CPQ: variants seen among roughly 807,000 people sequenced by gnomAD.
CPQ encodes Ser-Met dipeptidase.
In CPQ, 37 loss-of-function variants were observed where a neutral mutation model predicts 45.7. That is an observed-to-expected ratio of 0.81 (90% CI 0.62 to 1.07). The LOEUF is 1.07. Ranked by LOEUF, CPQ falls within the 50% of genes least tolerant of loss-of-function variation. The pLI is 0.00. For missense variants in CPQ, 537 were observed against 572.9 expected (o/e 0.94, Z 0.64); for synonymous variants, 186 against 205.8 (o/e 0.90, Z 0.82).
At chr8:96,922,902 C>T (rs1812827456) in intron 4 of CPQ, among the ~76,000 whole-genome samples, 1 of 150,998 alleles carries the variant, frequency 6.6e-6, no homozygotes, top group South Asian at 2.1e-4. Flanking sequence ...GTGCAGTGGG[C>T]TTACTGTGTC....
At chr8:96,766,144 G>T (rs1313584151) in intron 1 of CPQ, among the ~76,000 whole-genome samples, 1 of 152,138 alleles carries the variant, frequency 6.6e-6, no homozygotes, top group Non-Finnish European at 1.5e-5. Flanking sequence ...AACATTTACT[G>T]GTTGCTTTTG....
intron 4 of CPQ, among the ~76,000 whole-genome samples, chr8:96,957,538 C>CA (rs1339115061): frequency 2.0e-5 from 3 of 152,100 alleles, no homozygotes; most frequent in Non-Finnish European, 4.4e-5. Flanking sequence ...TACAGTGGCT[C>CA]ATGCCTTTAA....
intron 4 of CPQ, among the ~76,000 whole-genome samples, chr8:96,917,692 C>A (rs897531676): frequency 6.6e-6 from 1 of 152,056 alleles, no homozygotes; most frequent in Non-Finnish European, 1.5e-5. Context: ...TGTATACTAA[C>A]CCATCTGTAT....
At chr8:97,042,463 G>A (rs1340535852) in intron 6 of CPQ, among the ~76,000 whole-genome samples, 2 of 151,976 alleles carry the variant, frequency 1.3e-5, no homozygotes, top group East Asian at 3.9e-4. Flanking sequence ...TTTTTTGAAG[G>A]GTTTTTTGTG....
At chr8:96,647,006 G>T (rs111651295) in intron 1 of CPQ, among the ~76,000 whole-genome samples, 114 of 152,250 alleles carry the variant, frequency 7.5e-4, no homozygotes, top group African/African-American at 2.5e-3. Flanking sequence ...TTTTTCCAGT[G>T]CAACCCAGTC....
At chr8:96,658,466 C>G (rs1815662212) in intron 1 of CPQ, among the ~76,000 whole-genome samples, 1 of 152,196 alleles carries the variant, frequency 6.6e-6, no homozygotes, top group Non-Finnish European at 1.5e-5. Flanking sequence ...TTATAACTGT[C>G]TGCAGTGGGC....
At chr8:97,116,833 T>C (rs1408305868) in intron 7 of CPQ, among the ~76,000 whole-genome samples, 1 of 152,244 alleles carries the variant, frequency 6.6e-6, no homozygotes, top group African/African-American at 2.4e-5. Flanking sequence ...GAAAGGTAGA[T>C]AATAGGAGGC....
At chr8:97,040,712 T>C (rs1354402270) in intron 6 of CPQ, among the ~76,000 whole-genome samples, 1 of 151,908 alleles carries the variant, frequency 6.6e-6, no homozygotes, top group Non-Finnish European at 1.5e-5. Context: ...GGCTAGCCAG[T>C]TTTCCCAGCA....
At chr8:97,034,959 C>G (rs371531036) in intron 6 of CPQ, among the ~76,000 whole-genome samples, 1 of 150,304 alleles carries the variant, frequency 6.7e-6, no homozygotes, top group Non-Finnish European at 1.5e-5. Flanking sequence ...GTGGCACGAT[C>G]TCAGCTCACT....
At chr8:97,066,916 C>CT (rs752150876) in intron 7 of CPQ, among the ~76,000 whole-genome samples, 4,503 of 60,370 alleles carry the variant, frequency 0.075, 594 homozygotes, top group African/African-American at 0.19. Flanking sequence ...CTGGAACAGT[C>CT]TTTTTTTTTT....
chr8:96,660,240 C>T (rs762775039), intron 1 of CPQ, among the ~76,000 whole-genome samples: 3 of 152,132 alleles, frequency 2.0e-5, no homozygotes, highest in South Asian at 2.1e-4. Context: ...TTGGCTTGCA[C>T]GTGGCCATCT....
chr8:97,018,301 A>G (rs546512780), intron 5 of CPQ, among the ~76,000 whole-genome samples: 5 of 152,218 alleles, frequency 3.3e-5, no homozygotes, highest in African/African-American at 1.2e-4. Flanking sequence ...CAGAAAACCA[A>G]CTCTGGTAAT....
chr8:96,938,143 C>T (rs1017049833), intron 4 of CPQ, among the ~76,000 whole-genome samples: 16 of 152,172 alleles, frequency 1.1e-4, no homozygotes, highest in African/African-American at 3.9e-4. Flanking sequence ...ATAACCTTCT[C>T]TTGTGTATCT....
chr8:96,802,464 G>A (rs759285533), intron 2 of CPQ, among the ~76,000 whole-genome samples: 23 of 152,186 alleles, frequency 1.5e-4, no homozygotes, highest in Non-Finnish European at 2.6e-4. Context: ...AAATGCATCA[G>A]TAATATCATT....
intron 7 of CPQ, among the ~76,000 whole-genome samples, chr8:97,104,726 C>T (rs1254487319): frequency 6.6e-6 from 1 of 152,150 alleles, no homozygotes; most frequent in Non-Finnish European, 1.5e-5. Context: ...AGGAATTTGT[C>T]ACTCTTTGGC....
intron 2 of CPQ, among the ~76,000 whole-genome samples, chr8:96,790,303 G>A (rs912007103): frequency 2.6e-5 from 4 of 152,162 alleles, no homozygotes; most frequent in African/African-American, 7.2e-5. Context: ...CCTAGTGGAT[G>A]ATAAGAAGGG....
chr8:97,132,249 T>G (rs967515337), intron 7 of CPQ, among the ~76,000 whole-genome samples: 1 of 152,146 alleles, frequency 6.6e-6, no homozygotes, highest in African/African-American at 2.4e-5. Flanking sequence ...TTGTGACCTA[T>G]CTCATATTAC....
chr8:96,810,168 T>A (rs374312459), intron 2 of CPQ, among the ~76,000 whole-genome samples: 18 of 152,172 alleles, frequency 1.2e-4, no homozygotes, highest in South Asian at 2.1e-4. Flanking sequence ...CCCTTTCACA[T>A]TGGGGCTCAT....
intron 3 of CPQ, among the ~76,000 whole-genome samples, chr8:96,840,340 C>T (rs1811589769): frequency 6.6e-6 from 1 of 152,040 alleles, no homozygotes; most frequent in African/African-American, 2.4e-5. Context: ...GCAGATTAGG[C>T]AGTTTTAAGT....
Sources: allele counts gnomAD v4.1 joint callset (sites outside exome capture counted in the v4.1 genomes callset), GRCh38; gene constraint gnomAD v4.1.1; transcripts MANE v1.5; gene names NCBI Gene and HGNC (gene_info 2026-07-23, HGNC 2026-07-21).